Variants in PCDH19 observed in about 807,000 individuals in gnomAD.
PCDH19 encodes protocadherin-19.
A neutral mutation model predicts 46.2 loss-of-function variants in PCDH19; 6 were observed. The ratio of observed to expected loss-of-function variants is 0.13; its 90% confidence interval spans 0.07 to 0.26. The LOEUF is 0.26. Among genes scored for constraint, PCDH19 ranks in the 10% least tolerant of loss-of-function variants. The probability of loss-of-function intolerance (pLI) is 1.00; values close to 1 mark genes in which losing one functional copy is unlikely to be tolerated. For synonymous variants in PCDH19, 481 were observed against 415.7 expected, an observed-to-expected ratio of 1.16 and a Z score of -1.91; for missense variants, 740 against 972.3, an observed-to-expected ratio of 0.76 and a Z score of 3.18.
chrX:100,401,512 CGTG>C (rs1569312471), intron 3 of PCDH19, among the ~76,000 whole-genome samples: 2 of 110,571 alleles, frequency 1.8e-5, no homozygotes. Context: ...ATTAGCTGGG[CGTG>C]GTGGTGCATG....
chrX:100,298,144 GT>G (rs1385598629), intron 5 of PCDH19, among the ~76,000 whole-genome samples: 1 of 110,690 alleles, frequency 9.0e-6, no homozygotes, highest in East Asian at 2.8e-4. Flanking sequence ...TATATTTTTG[GT>G]GTTTTTTGTT....
chrX:100,371,849 TACACAC>T (rs56125276), intron 3 of PCDH19, among the ~76,000 whole-genome samples: 27,921 of 80,340 alleles, frequency 0.35, 3,295 homozygotes, highest in Middle Eastern at 0.56. Flanking sequence ...CAAATGACTA[TACACAC>T]ACACACACAC....
At chrX:100,318,716 A>G (rs2147464496) in intron 5 of PCDH19, among the ~76,000 whole-genome samples, 1 of 111,776 alleles carries the variant, frequency 8.9e-6, no homozygotes, top group East Asian at 2.8e-4. Flanking sequence ...GGAAACGAGG[A>G]AAGACTGGGA....
intron 5 of PCDH19, among the ~76,000 whole-genome samples, chrX:100,302,347 T>C (rs1250717663): frequency 8.9e-6 from 1 of 112,028 alleles, no homozygotes; most frequent in East Asian, 2.8e-4. Flanking sequence ...GAAGTCTCCA[T>C]TTAAATTTCA....
chrX:100,376,069 T>C (rs769527240), intron 3 of PCDH19, among the ~76,000 whole-genome samples: 5 of 109,318 alleles, frequency 4.6e-5, no homozygotes, highest in Non-Finnish European at 9.5e-5. Flanking sequence ...AAACCCCGTC[T>C]CTACTAAATT....
intron 3 of PCDH19, among the ~76,000 whole-genome samples, chrX:100,400,283 T>C (rs925692640): frequency 1.8e-5 from 2 of 112,435 alleles, no homozygotes; most frequent in Non-Finnish European, 3.8e-5. Context: ...CAATCAGTAG[T>C]GCAAGCCATT....
chrX:100,313,747 G>A (rs1925202320), intron 5 of PCDH19, among the ~76,000 whole-genome samples: 2 of 110,217 alleles, frequency 1.8e-5, no homozygotes, highest in African/African-American at 6.6e-5. Context: ...TGGATGGGTC[G>A]GTGATGAGAA....
chrX:100,406,161 A>G (rs986290036), intron 1 of PCDH19, among the ~76,000 whole-genome samples: 4 of 111,525 alleles, frequency 3.6e-5, no homozygotes, highest in Non-Finnish European at 7.5e-5. Context: ...TTTTCCTACC[A>G]TAACTTCATG....
chrX:100,391,978 A>C (rs1159272226), intron 3 of PCDH19, among the ~76,000 whole-genome samples: 1 of 111,808 alleles, frequency 8.9e-6, no homozygotes, highest in Non-Finnish European at 1.9e-5. Context: ...AACATCACAC[A>C]CATTTATTTG....
intron 3 of PCDH19, among the ~76,000 whole-genome samples, chrX:100,389,077 T>C (rs2147522366): frequency 9.0e-6 from 1 of 111,373 alleles, no homozygotes; most frequent in Non-Finnish European, 1.9e-5. Context: ...TTGTAAGAGC[T>C]CTTTATATAT....
chrX:100,337,784 A>G (rs1409291697), intron 5 of PCDH19, among the ~76,000 whole-genome samples: 1 of 111,665 alleles, frequency 9.0e-6, no homozygotes, highest in African/African-American at 3.3e-5. Context: ...CAAGATAGCT[A>G]AAAAAGAGGA....
At position 100,295,207 on chromosome X, in the gene PCDH19, G is replaced by A. The variant is rs1270093045; in HGVS notation, c.*1070C>T. 1 of 112,405 alleles carries A rather than the reference G, an allele frequency of 8.9e-6. No homozygotes were observed. The highest frequency in any genetic ancestry group is 1.9e-5 in the Non-Finnish European group (1 of 53,276). 9.3% of individuals were successfully genotyped at this position (112,405 alleles called of 1,213,427 possible). On this transcript the variant is annotated 3_prime_UTR_variant, in exon 6 of 6. Coordinates refer to ENST00000373034, the MANE Select transcript of PCDH19 (RefSeq NM_001184880.2). The stretch of plus-strand genomic sequence containing the variant: ...GGAAACACTGAATCAGGAAGTGTGT[G>A]TCTGAAGAGATGCTAATTTAGATCT...
Position 100,406,764 on chromosome X carries a change from G to A in PCDH19, c.1834C>T (p.Arg612Cys), listed in dbSNP as rs976910652. 1 of 1,211,535 alleles carries A rather than the reference G, an allele frequency of 8.3e-7. No individual in the cohort carries two copies. The highest frequency in any genetic ancestry group is 2.2e-5 in the Admixed American group (1 of 46,048). The change falls in exon 1 of 6, where the codon CGC becomes TGC. Residue 612 changes from arginine to cysteine, a missense_variant. By Grantham distance (180) the Arg-to-Cys change is radical. Transcript: ENST00000373034. Reference protein sequence around the residue: ...RVTYDMTEGDRGFFEIDQVNG... With the variant: ...RVTYDMTEGDCGFFEIDQVNG... ...ACCTGGTCTATTTCAAAGAAGCCGC[G>A]GTCGCCCTCGGTCATGTCGTAGGTG...
chrX:100,352,323 A>T (rs1926594546), intron 3 of PCDH19, among the ~76,000 whole-genome samples: 1 of 112,650 alleles, frequency 8.9e-6, no homozygotes, highest in Non-Finnish European at 1.9e-5. Context: ...TTTATCCAAC[A>T]GTCAGTCAAC....
At chrX:100,378,810 T>C (rs950502375) in intron 3 of PCDH19, among the ~76,000 whole-genome samples, 1 of 112,388 alleles carries the variant, frequency 8.9e-6, no homozygotes, top group Non-Finnish European at 1.9e-5. Context: ...AGCTGGGCCA[T>C]GGATGTCTTC....
chrX:100,360,134 A>C, intron 3 of PCDH19, among the ~76,000 whole-genome samples: 1 of 111,764 alleles, frequency 8.9e-6, no homozygotes, highest in Non-Finnish European at 1.9e-5. Context: ...CTTTGGGCCA[A>C]AACAACACCC....
Position 100,322,852 on chromosome X carries a change from TA to T in PCDH19, c.2848+19050del, listed in dbSNP as rs1569291802. ...TCCTAAGTATATATATATATATATA[TA>T]TATATATATATATTTTTGCAGCTAT... On this transcript the variant is annotated intron_variant, in intron 5 of 5. Transcript: ENST00000373034. 1.5e-3 allele frequency among the ~76,000 whole-genome samples: 89 copies of T among 58,292 alleles called. 5 individuals carry two copies. Among genetic ancestry groups the T allele is most frequent in the African/African-American group, 6.6e-3 (83 of 12,485 alleles). The allele number at this position is 58,292 out of a possible 115,157, so 50.6% of individuals were successfully genotyped here.
At chrX:100,352,180 A>G (rs373420840) in intron 3 of PCDH19, among the ~76,000 whole-genome samples, 1 of 112,077 alleles carries the variant, frequency 8.9e-6, no homozygotes, top group African/African-American at 3.2e-5. Context: ...GGGTTGGGGG[A>G]TTAAAAATCA....
chrX:100,383,441 G>T (rs185843642), intron 3 of PCDH19, among the ~76,000 whole-genome samples: 2 of 112,168 alleles, frequency 1.8e-5, no homozygotes, highest in African/African-American at 6.5e-5. Context: ...AAGAGCTCTC[G>T]TATGTACTCT....
Sources: allele counts gnomAD v4.1 joint callset (sites outside exome capture counted in the v4.1 genomes callset), GRCh38; gene constraint gnomAD v4.1.1; transcripts MANE v1.5; gene names NCBI Gene and HGNC (gene_info 2026-07-23, HGNC 2026-07-21).